TRIM71: variants seen among roughly 807,000 people sequenced by gnomAD.
The protein encoded by TRIM71 is E3 ubiquitin-protein ligase TRIM71.
TRIM71 carries 9 observed loss-of-function variants against 61.2 expected under a neutral mutation model. That is an observed-to-expected ratio of 0.15 (90% confidence interval 0.09 to 0.26). TRIM71 has a LOEUF of 0.26. Among genes scored for constraint, TRIM71 ranks in the 10% least tolerant of loss-of-function variants. The pLI is 1.00. For missense variants in TRIM71, 998 were observed against 1,238.7 expected, an observed-to-expected ratio of 0.81 and a Z score of 2.92; for synonymous variants, 645 against 553.2, an observed-to-expected ratio of 1.17 and a Z score of -2.33.
chr3:32,892,998 G>A lies in TRIM71; in HGVS notation c.*1187G>A, dbSNP rs925791132. The A allele has an allele frequency of 2.0e-5, 3 of 152,208 alleles. No individual in the cohort carries two copies. Among genetic ancestry groups the A allele is most frequent in the African/African-American group, 7.2e-5 (3 of 41,456 alleles). The allele number at this position is 152,208 out of a possible 1,614,324, so 9.4% of individuals were successfully genotyped here. A position where few individuals can be genotyped will look rare whatever the true frequency, so the allele number is the denominator to read the frequency against. On this transcript the variant is annotated 3_prime_UTR_variant, in exon 4 of 4. Coordinates refer to ENST00000383763, the MANE Select transcript of TRIM71 (RefSeq NM_001039111.3). ...CTAGGGGTTTCTTTTCCTAAGAAGA[G>A]TAGGCAAAGGAAAGAACTTTTATTT...
chr3:32,818,821 C>T lies in TRIM71; in HGVS notation c.741C>T (p.Ala247=), dbSNP rs1470290388. ...AGCGCGGCCCGCCGGGTCCCGGTGCCGCAGCAGCGGCGCAGCAGCTCGGGC... is the reference window on the plus strand; with the variant it reads ...AGCGCGGCCCGCCGGGTCCCGGTGCTGCAGCAGCGGCGCAGCAGCTCGGGC... The part of the protein sequence containing the change: ...YIERGPPGPG[A]AAAAQQLGLG... The change falls in exon 1 of 4, where the codon GCC becomes GCT. Residue 247 remains alanine, a synonymous_variant. Transcript: ENST00000383763. 3 of 1,610,604 alleles carry T rather than the reference C, an allele frequency of 1.9e-6. No individual in the cohort carries two copies. Among genetic ancestry groups the T allele is most frequent in the East Asian group, 2.2e-5 (1 of 44,788 alleles).
chr3:32,818,350 C>G lies in TRIM71; in HGVS notation c.270C>G (p.Arg90=), dbSNP rs1448888128. 2.7e-6 allele frequency: 4 copies of G among 1,476,020 alleles called. No individual in the cohort carries two copies. Among genetic ancestry groups the G allele is most frequent in the African/African-American group, 2.9e-5 (2 of 68,132 alleles). The allele number at this position is 1,476,020 out of a possible 1,614,324, so 91.4% of individuals were successfully genotyped here. A position where few individuals can be genotyped will look rare whatever the true frequency, so the allele number is the denominator to read the frequency against. The change falls in exon 1 of 4, where the codon CGC becomes CGG. Residue 90 remains arginine (R), a synonymous_variant. Transcript: ENST00000383763. ...GGAAGEPLKL[R]CPVCDQKVVL... is the part of the protein sequence containing the mutation. ...CGGCGGGAGAGCCGCTCAAGCTGCG[C>G]TGCCCCGTGTGCGACCAGAAAGTAG...
intron 1 of TRIM71, among the ~76,000 whole-genome samples, chr3:32,872,914 C>T (rs571411044): frequency 6.6e-6 from 1 of 152,190 alleles, no homozygotes; most frequent in African/African-American, 2.4e-5. Flanking sequence ...GAAAGCAATC[C>T]AGCAAACATT....
rs1276741372 is a variant in TRIM71 at position 32,897,008 on chromosome 3, T to C, written c.*5197T>C. The C allele has an allele frequency of 7.4e-6, 1 of 134,744 alleles. No individual in the cohort carries two copies. The highest frequency in any genetic ancestry group is 2.9e-5 in the African/African-American group (1 of 35,008). 8.3% of individuals were successfully genotyped at this position (134,744 alleles called of 1,614,324 possible). On this transcript the variant is annotated 3_prime_UTR_variant, in exon 4 of 4. Transcript: ENST00000383763. ...TCTTTTTTTCCCTTTTCTCCTAAAA[T>C]CGATGCAGGTAAGGGTGGGTGGGTA... is the stretch of plus-strand genomic sequence containing the variant.
intron 1 of TRIM71, among the ~76,000 whole-genome samples, chr3:32,873,527 C>T (rs1422345910): frequency 6.6e-6 from 1 of 152,150 alleles, no homozygotes; most frequent in East Asian, 1.9e-4. Flanking sequence ...TTTCTGCCTT[C>T]GAAGTGTCTC....
At position 32,891,474 on chromosome 3, in the gene TRIM71, A is replaced by T. The variant is rs756587619; in HGVS notation, c.2270A>T (p.His757Leu). The change falls in exon 4 of 4, where the codon CAT (histidine) becomes CTT (leucine). Residue 757 changes from histidine (H) to leucine (L), a missense_variant. By Grantham distance (99) the His-to-Leu change is moderately conservative. Coordinates refer to ENST00000383763, the MANE Select transcript of TRIM71 (RefSeq NM_001039111.3). This position sits in a 1 kb window ranked among gnomAD's most constrained non-coding sequence, Gnocchi z 8.2. ...TCCCCACGGGGTGTGGCCTTCAACC[A>T]TGAGGGCCACTTGGTGGTCACTGAC... ...FDSPRGVAFN[H>L]EGHLVVTDFN... 8.7e-6 allele frequency: 14 copies of T among 1,613,662 alleles called. No homozygotes were observed. Among genetic ancestry groups the T allele is most frequent in the African/African-American group, 6.7e-5 (5 of 74,872 alleles).
intron 1 of TRIM71, among the ~76,000 whole-genome samples, chr3:32,871,888 A>G (rs1433034187): frequency 6.6e-6 from 1 of 152,242 alleles, no homozygotes; most frequent in Non-Finnish European, 1.5e-5. Context: ...TCACGCCTGT[A>G]ATCCCAGCAC....
Position 32,891,449 on chromosome 3 carries a change from T to G in TRIM71, c.2245T>G (p.Ser749Ala). The G allele has an allele frequency of 6.2e-7, 1 of 1,613,930 alleles. No individual in the cohort carries two copies. The highest frequency in any genetic ancestry group is 1.7e-5 in the Admixed American group (1 of 60,016). The stretch of plus-strand genomic sequence containing the variant: ...GGGGGCTCTCTGGAAGCACTTTGAC[T>G]CCCCACGGGGTGTGGCCTTCAACCA... ...FEGALWKHFD[S>A]PRGVAFNHEG... Residue 749 changes from serine to alanine, a missense_variant, in exon 4 of 4, where the codon TCC becomes GCC. Physicochemically the swap from Ser to Ala is moderately conservative, Grantham distance 99. Around this residue, in one of 5 missense-constraint regions of TRIM71, gnomAD observed 2 missense variants for 18.0 expected, o/e 0.11. Coordinates refer to ENST00000383763, the MANE Select transcript of TRIM71 (RefSeq NM_001039111.3). The surrounding 1 kb of genome is among the most constrained non-coding windows in gnomAD (Gnocchi z 8.2).
intron 1 of TRIM71, among the ~76,000 whole-genome samples, chr3:32,830,559 C>T (rs538556181): frequency 6.6e-6 from 1 of 152,218 alleles, no homozygotes; most frequent in South Asian, 2.1e-4. Flanking sequence ...ACCCTCTCAC[C>T]CTGGCCCCAA....
intron 1 of TRIM71, among the ~76,000 whole-genome samples, chr3:32,823,380 G>A (rs1053766177): frequency 1.3e-4 from 20 of 152,216 alleles, no homozygotes; most frequent in African/African-American, 4.3e-4. Flanking sequence ...AACTGTGCTA[G>A]TAGTATGGAG....
intron 1 of TRIM71, among the ~76,000 whole-genome samples, chr3:32,869,669 C>A (rs796700668): frequency 1.1e-4 from 17 of 152,372 alleles, no homozygotes; most frequent in African/African-American, 4.1e-4. Context: ...CTCCCTCCCC[C>A]ATTCCTCCCG....
intron 1 of TRIM71, among the ~76,000 whole-genome samples, chr3:32,863,319 C>T (rs896807045): frequency 1.4e-5 from 2 of 146,554 alleles, no homozygotes; most frequent in Non-Finnish European, 3.0e-5. Flanking sequence ...TCAAGCCATC[C>T]TTCTGCCTCA....
At chr3:32,829,341 C>A (rs558982454) in intron 1 of TRIM71, among the ~76,000 whole-genome samples, 119 of 152,020 alleles carry the variant, frequency 7.8e-4, no homozygotes, top group Middle Eastern at 3.4e-3. Flanking sequence ...TGAGCCACCA[C>A]ACCCAACTAA....
At chr3:32,887,462 C>T (rs1349704170) in intron 3 of TRIM71, among the ~76,000 whole-genome samples, 1 of 148,142 alleles carries the variant, frequency 6.8e-6, no homozygotes, top group African/African-American at 2.5e-5. Context: ...GGGTCCCTCT[C>T]TCTTTGACTA....
chr3:32,845,298 A>G (rs1453664403), intron 1 of TRIM71, among the ~76,000 whole-genome samples: 5 of 152,148 alleles, frequency 3.3e-5, no homozygotes, highest in Non-Finnish European at 7.4e-5. Context: ...AATGTGGGAG[A>G]CACATGGCTC....
chr3:32,820,161 T>A (rs915614725), intron 1 of TRIM71, among the ~76,000 whole-genome samples: 2 of 152,200 alleles, frequency 1.3e-5, no homozygotes, highest in Non-Finnish European at 2.9e-5. Context: ...CTGCAGAGGC[T>A]TTAAAAGCCA....
In TRIM71 at chr3:32,818,736, T is replaced by G. The variant is rs1353514910; in HGVS notation, c.656T>G (p.Leu219Arg). The G allele has an allele frequency of 6.2e-7, 1 of 1,601,420 alleles. No individual in the cohort carries two copies. Among genetic ancestry groups the G allele is most frequent in the Non-Finnish European group, 8.5e-7 (1 of 1,177,848 alleles). The stretch of plus-strand genomic sequence containing the variant: ...CGCTGCCTCGACTGCCAGGAGCACC[T>G]GTGCGACAACTGCGTCCGAGCGCAC... ...SSRCLDCQEH[L>R]CDNCVRAHQR... Residue 219 changes from leucine to arginine, a missense_variant, in exon 1 of 4, where the codon CTG becomes CGG. Coordinates refer to ENST00000383763, the MANE Select transcript of TRIM71 (RefSeq NM_001039111.3).
Position 32,818,003 on chromosome 3 carries a change from C to T in TRIM71, c.-78C>T. ...TTTTCTGAGTGAGTCGGTGACTCCC[C>T]CACCCACCTCGTCCGCTCTCTCCTC... is the stretch of plus-strand genomic sequence containing the variant. On this transcript the variant is annotated 5_prime_UTR_variant, in exon 1 of 4. Transcript: ENST00000383763. 2 of 1,376,468 alleles carry T rather than the reference C, an allele frequency of 1.5e-6. No individual in the cohort carries two copies. The highest frequency in any genetic ancestry group is 1.0e-6 in the Non-Finnish European group (1 of 984,626). 85.3% of individuals were successfully genotyped at this position (1,376,468 alleles called of 1,614,324 possible). A position where few individuals can be genotyped will look rare whatever the true frequency, so the allele number is the denominator to read the frequency against.
rs753289169 is a variant in TRIM71 at position 32,890,741 on chromosome 3, G to A, written c.1537G>A (p.Asp513Asn). The change falls in exon 4 of 4, where the codon GAT becomes AAT. Residue 513 changes from aspartate (D) to asparagine (N), a missense_variant. Physicochemically the swap from Asp to Asn is conservative, Grantham distance 23. Transcript: ENST00000383763. This position sits in a 1 kb window ranked among gnomAD's most constrained non-coding sequence, Gnocchi z 6.2. Reference sequence around the variant, plus strand: ...CTTCACAGTCATTGGTTATGACCACGATGGTGAGCCCCGCCTCTCAGGAGG... The same window carrying A: ...CTTCACAGTCATTGGTTATGACCACAATGGTGAGCCCCGCCTCTCAGGAGG... ...ASFTVIGYDH[D>N]GEPRLSGGDL... The A allele has an allele frequency of 1.5e-5, 25 of 1,613,976 alleles. No individual in the cohort carries two copies. Among genetic ancestry groups the A allele is most frequent in the Non-Finnish European group, 1.9e-5 (23 of 1,180,028 alleles).
Sources: gnomAD v4.1 joint callset for allele counts (sites outside exome capture counted in the v4.1 genomes callset) on GRCh38, gnomAD v4.1.1 for gene constraint, gnomAD v4.1.1 regional missense constraint, Gnocchi (gnomAD v3.1) non-coding constraint, MANE v1.5 for transcripts, NCBI Gene and HGNC (gene_info 2026-07-23, HGNC 2026-07-21) for gene names.